Variants in ZNF679 observed in about 807,000 individuals in gnomAD.
ZNF679 encodes the protein zinc finger protein 679, also known as hypothetical protein MGC42415.
In ZNF679, 10 loss-of-function variants were observed where a neutral mutation model predicts 13.4. The observed-to-expected ratio is 0.75, with a 90% CI of 0.46 to 1.27. ZNF679 has a LOEUF of 1.27. Ranked by LOEUF, ZNF679 falls within the 50% of genes most tolerant of loss-of-function variation. The pLI is 0.00. For synonymous variants in ZNF679, 179 were observed against 162.5 expected (o/e 1.10, Z -0.77); for missense variants, 525 against 477.8 (o/e 1.10, Z -0.92).
chr7:64,242,297 C>T (rs191390990), intron 1 of ZNF679, among the ~76,000 whole-genome samples: 5 of 152,312 alleles, frequency 3.3e-5, no homozygotes, highest in African/African-American at 1.2e-4. Flanking sequence ...AGAATCTCAC[C>T]TGTTTGCTGG....
intron 2 of ZNF679, among the ~76,000 whole-genome samples, chr7:64,251,646 G>T (rs962961338): frequency 6.6e-6 from 1 of 152,078 alleles, no homozygotes; most frequent in Non-Finnish European, 1.5e-5. Context: ...CTGGTTCTGG[G>T]TCTTAGTACT....
intron 2 of ZNF679, among the ~76,000 whole-genome samples, chr7:64,251,664 G>A (rs17139332): frequency 0.034 from 5,146 of 152,154 alleles, 177 homozygotes; most frequent in East Asian, 0.17. Flanking sequence ...ACTGCTTTGG[G>A]ATAAACCAAG....
At chr7:64,229,546 C>T (rs1253715904) in intron 1 of ZNF679, among the ~76,000 whole-genome samples, 1 of 152,070 alleles carries the variant, frequency 6.6e-6, no homozygotes, top group Non-Finnish European at 1.5e-5. Flanking sequence ...AGTGATAATC[C>T]CATTGTTGGC....
chr7:64,235,068 C>T (rs1054631223), intron 1 of ZNF679, among the ~76,000 whole-genome samples: 16 of 152,142 alleles, frequency 1.1e-4, no homozygotes, highest in African/African-American at 3.9e-4. Context: ...AAACTCCTGA[C>T]CTCAGGTGAT....
intron 4 of ZNF679, among the ~76,000 whole-genome samples, chr7:64,263,470 C>T (rs1185255993): frequency 6.6e-6 from 1 of 152,144 alleles, no homozygotes; most frequent in African/African-American, 2.4e-5. Flanking sequence ...TATCCTCTTG[C>T]TTTTGACTGG....
chr7:64,253,936 C>A (rs1256420258), intron 2 of ZNF679, among the ~76,000 whole-genome samples: 1 of 152,016 alleles, frequency 6.6e-6, no homozygotes, highest in Non-Finnish European at 1.5e-5. Context: ...GTTTTGACCA[C>A]TGAAGAAAAG....
chr7:64,235,838 G>T (rs1787703578), intron 1 of ZNF679, among the ~76,000 whole-genome samples: 1 of 148,160 alleles, frequency 6.7e-6, no homozygotes, highest in African/African-American at 2.5e-5. Context: ...GAGAAAGGAA[G>T]GAAGGAAAGA....
intron 1 of ZNF679, among the ~76,000 whole-genome samples, chr7:64,233,266 A>AG (rs1787664723): frequency 2.0e-5 from 3 of 151,394 alleles, no homozygotes. Context: ...AAAAAAAAAA[A>AG]AAGAAAGAAA....
chr7:64,263,849 G>A (rs1333436950), intron 4 of ZNF679, among the ~76,000 whole-genome samples: 1 of 151,940 alleles, frequency 6.6e-6, no homozygotes, highest in African/African-American at 2.4e-5. Flanking sequence ...CCCAGTCTCA[G>A]GTTATTTTCT....
chr7:64,243,755 A>G (rs910657816), intron 1 of ZNF679, among the ~76,000 whole-genome samples: 1 of 152,216 alleles, frequency 6.6e-6, no homozygotes, highest in Non-Finnish European at 1.5e-5. Flanking sequence ...GAGAAAAATC[A>G]GTCAGATACT....
chr7:64,236,665 C>A (rs1191674492), intron 1 of ZNF679, among the ~76,000 whole-genome samples: 1 of 151,540 alleles, frequency 6.6e-6, no homozygotes, highest in African/African-American at 2.4e-5. Context: ...ACTTGTACTT[C>A]CAGCTGCTTG....
At chr7:64,236,569 A>C (rs1584225122) in intron 1 of ZNF679, among the ~76,000 whole-genome samples, 1 of 151,956 alleles carries the variant, frequency 6.6e-6, no homozygotes, top group African/African-American at 2.4e-5. Context: ...TGGATCACCT[A>C]AGGTCAGGAG....
At chr7:64,256,078 CCA>C (rs1324003832) in intron 2 of ZNF679, among the ~76,000 whole-genome samples, 1 of 152,132 alleles carries the variant, frequency 6.6e-6, no homozygotes, top group Non-Finnish European at 1.5e-5. Flanking sequence ...CTCTGACCCT[CCA>C]CGCTGAACTG....
intron 4 of ZNF679, among the ~76,000 whole-genome samples, chr7:64,262,469 T>C (rs1788091224): frequency 6.6e-6 from 1 of 152,232 alleles, no homozygotes; most frequent in South Asian, 2.1e-4. Flanking sequence ...TTTTCCAAAG[T>C]ATTTTGTTTA....
intron 1 of ZNF679, among the ~76,000 whole-genome samples, chr7:64,243,551 G>A (rs541188978): frequency 6.6e-6 from 1 of 152,270 alleles, no homozygotes; most frequent in East Asian, 1.9e-4. Flanking sequence ...CAAAGGTGAT[G>A]GGCCTAAAGA....
chr7:64,243,980 G>A (rs928022344), intron 1 of ZNF679, among the ~76,000 whole-genome samples: 3 of 152,122 alleles, frequency 2.0e-5, no homozygotes, highest in Non-Finnish European at 2.9e-5. Flanking sequence ...GGCCAGACAC[G>A]GTGGCTCAAG....
In ZNF679 at chr7:64,249,084, T is replaced by G; in HGVS notation, c.-34T>G. 1 of 1,613,992 alleles carries G rather than the reference T, an allele frequency of 6.2e-7. No homozygotes were observed. The highest frequency in any genetic ancestry group is 8.5e-7 in the Non-Finnish European group (1 of 1,179,934). ...CCTCTGTTCCTAGAGGCCAAGCCAC[T>G]GTGGCCTTGTGTTCTGCAGGTATCC... On this transcript the variant is annotated 5_prime_UTR_variant, in exon 2 of 5. Transcript: ENST00000421025.
intron 1 of ZNF679, among the ~76,000 whole-genome samples, chr7:64,243,780 G>A (rs768275317): frequency 5.9e-5 from 9 of 152,290 alleles, no homozygotes; most frequent in Non-Finnish European, 8.8e-5. Flanking sequence ...GAAGGTATAC[G>A]TCACAATCAC....
At chr7:64,231,676 A>G (rs1787641167) in intron 1 of ZNF679, among the ~76,000 whole-genome samples, 2 of 152,140 alleles carry the variant, frequency 1.3e-5, no homozygotes, top group South Asian at 4.1e-4. Flanking sequence ...GAGCCTAGAA[A>G]GAAAGGGAGA....
Sources: gnomAD v4.1 joint callset for allele counts (sites outside exome capture counted in the v4.1 genomes callset) on GRCh38, gnomAD v4.1.1 for gene constraint, MANE v1.5 for transcripts, NCBI Gene and HGNC (gene_info 2026-07-23, HGNC 2026-07-21) for gene names.